The following MSN variants were observed in gnomAD, a reference collection of about 807,000 sequenced individuals.
MSN encodes the protein moesin.
A neutral mutation model predicts 48.0 loss-of-function variants in MSN; 2 were observed. The observed-to-expected ratio is 0.04, with a 90% CI of 0.02 to 0.13. The LOEUF is 0.13. MSN is among the 10% of genes least tolerant of loss of function. The pLI is 1.00. For synonymous variants in MSN, 146 were observed against 166.9 expected, an observed-to-expected ratio of 0.87 and a Z score of 0.97; for missense variants, 267 against 470.1, an observed-to-expected ratio of 0.57 and a Z score of 3.99.
intron 1 of MSN, among the ~76,000 whole-genome samples, chrX:65,601,803 T>G (rs1163405077): frequency 8.9e-6 from 1 of 112,669 alleles, no homozygotes; most frequent in Non-Finnish European, 1.9e-5. Context: ...GCCTGTTTTT[T>G]CTTCACTTCC....
In MSN at chrX:65,688,329, C is replaced by T. The variant is rs187818513; in HGVS notation, c.12+20476C>T. ...CTGGGCTCAAGAGATCCGCCCACTT[C>T]GGCCTCTCAAAGTGCTGGGATTACA... On this transcript the variant is annotated intron_variant, in intron 1 of 12. Transcript: ENST00000360270. 1.7e-3 allele frequency among the ~76,000 whole-genome samples: 189 copies of T among 111,941 alleles called. 1 individual carries two copies. Among genetic ancestry groups the T allele is most frequent in the African/African-American group, 5.8e-3 (180 of 30,834 alleles).
At chrX:65,724,736 G>A (rs2071550885) in intron 2 of MSN, among the ~76,000 whole-genome samples, 1 of 111,140 alleles carries the variant, frequency 9.0e-6, no homozygotes, top group Admixed American at 9.6e-5. Flanking sequence ...ACCCATACTG[G>A]AGTGCAGTGG....
chrX:65,685,910 C>A (rs776910288), intron 1 of MSN, among the ~76,000 whole-genome samples: 2 of 112,355 alleles, frequency 1.8e-5, no homozygotes, highest in Non-Finnish European at 1.9e-5. Flanking sequence ...TACAACCCCC[C>A]ACTGCTAAAT....
intron 1 of MSN, among the ~76,000 whole-genome samples, chrX:65,707,877 G>C (rs904464234): frequency 2.1e-4 from 23 of 111,945 alleles, no homozygotes; most frequent in Non-Finnish European, 3.4e-4. Flanking sequence ...ATCACTTTCA[G>C]GCCCCAGCTG....
chrX:65,705,156 A>G (rs1428186526), intron 1 of MSN, among the ~76,000 whole-genome samples: 1 of 111,062 alleles, frequency 9.0e-6, no homozygotes, highest in Non-Finnish European at 1.9e-5. Flanking sequence ...TTTGGACCTC[A>G]GTTTCCCCAG....
chrX:65,659,017 G>T (rs2148378516), intron 1 of MSN, among the ~76,000 whole-genome samples: 1 of 107,755 alleles, frequency 9.3e-6, no homozygotes, highest in Non-Finnish European at 1.9e-5. Flanking sequence ...GCTAATTTTT[G>T]TATTTTTAGT....
intron 1 of MSN, among the ~76,000 whole-genome samples, chrX:65,650,565 T>C (rs893271953): frequency 3.6e-5 from 4 of 112,226 alleles, no homozygotes; most frequent in African/African-American, 1.3e-4. Context: ...ATGCCCAAGA[T>C]TCATTCATTT....
At chrX:65,624,018 A>G (rs2070480137) in intron 1 of MSN, among the ~76,000 whole-genome samples, 1 of 110,503 alleles carries the variant, frequency 9.0e-6, no homozygotes, top group African/African-American at 3.3e-5. Flanking sequence ...GCAATTGTTT[A>G]TAGTATTCTT....
At chrX:65,710,463 G>C (rs2071402538) in intron 1 of MSN, among the ~76,000 whole-genome samples, 1 of 111,541 alleles carries the variant, frequency 9.0e-6, no homozygotes, top group African/African-American at 3.3e-5. Flanking sequence ...AGAATTTGAA[G>C]TGGGAAGGAT....
chrX:65,733,237 A>G lies in MSN; in HGVS notation c.752A>G (p.Asn251Ser), dbSNP rs773831803. Reference protein sequence around the residue: ...PWSEIRNISFNDKKFVIKPID... With the variant: ...PWSEIRNISFSDKKFVIKPID... ...AGTGAAATCAGGAACATCTCTTTCA[A>G]TGATAAGAAATTTGTCATCAAGCCC... Residue 251 changes from asparagine to serine, a missense_variant, in exon 7 of 13, where the codon AAT becomes AGT. Transcript: ENST00000360270. 10 of 1,209,554 alleles carry G rather than the reference A, an allele frequency of 8.3e-6. No individual in the cohort carries two copies. The highest frequency in any genetic ancestry group is 7.0e-5 in the African/African-American group (4 of 57,096).
At chrX:65,608,200 G>A (rs1160135437) in intron 1 of MSN, among the ~76,000 whole-genome samples, 1 of 111,378 alleles carries the variant, frequency 9.0e-6, no homozygotes, top group South Asian at 3.8e-4. Context: ...CCTGTCAGTC[G>A]GTATGAGACT....
chrX:65,655,654 C>T (rs2070775644), intron 1 of MSN, among the ~76,000 whole-genome samples: 2 of 113,062 alleles, frequency 1.8e-5, no homozygotes, highest in Admixed American at 9.3e-5. Context: ...TGCCTCTTGG[C>T]ATTCAGAAGT....
chrX:65,596,391 G>A (rs961194266), intron 1 of MSN, among the ~76,000 whole-genome samples: 3 of 110,009 alleles, frequency 2.7e-5, no homozygotes, highest in Non-Finnish European at 5.7e-5. Context: ...AGTCTGCTCT[G>A]GTCCCCTCCA....
intron 12 of MSN, 112 bp from the exon 13 acceptor site, chrX:65,739,617 A>G: frequency 1.2e-6 from 1 of 859,730 alleles, no homozygotes; most frequent in Non-Finnish European, 1.6e-6. Flanking sequence ...ATATATAGAG[A>G]GAAAGGGTGA....
chrX:65,679,726 T>A (rs2071035586), intron 1 of MSN, among the ~76,000 whole-genome samples: 1 of 112,597 alleles, frequency 8.9e-6, no homozygotes, highest in Non-Finnish European at 1.9e-5. Flanking sequence ...TATCCAGTGC[T>A]TGCTTGTGAA....
At chrX:65,631,558 A>G (rs2070558896) in intron 1 of MSN, among the ~76,000 whole-genome samples, 1 of 112,398 alleles carries the variant, frequency 8.9e-6, no homozygotes, top group Admixed American at 9.5e-5. Flanking sequence ...ATTGTCACCT[A>G]TATCAATAGT....
chrX:65,673,603 C>A (rs1043092166), intron 1 of MSN, among the ~76,000 whole-genome samples: 1 of 111,361 alleles, frequency 9.0e-6, no homozygotes, highest in Admixed American at 9.5e-5. Context: ...TACAGGCATG[C>A]GCCACCATGC....
chrX:65,665,585 T>G (rs2070861376), upstream of MSN, among the ~76,000 whole-genome samples: 2 of 112,031 alleles, frequency 1.8e-5, no homozygotes, highest in Non-Finnish European at 3.8e-5. Context: ...AGGAAGAGGA[T>G]GGAATCAGAC....
chrX:65,642,467 T>G (rs1294323618), intron 1 of MSN, among the ~76,000 whole-genome samples: 1 of 110,065 alleles, frequency 9.1e-6, no homozygotes, highest in East Asian at 2.9e-4. Flanking sequence ...GGTCCAGGTT[T>G]GGGCATGGCA....
Sources: allele counts gnomAD v4.1 joint callset (sites outside exome capture counted in the v4.1 genomes callset), GRCh38; gene constraint gnomAD v4.1.1; transcripts MANE v1.5; gene names NCBI Gene and HGNC (gene_info 2026-07-23, HGNC 2026-07-21).